MYO3A: variants seen among roughly 807,000 people sequenced by gnomAD.
The protein encoded by MYO3A is myosin-IIIa.
MYO3A carries 180 observed loss-of-function variants against 192.7 expected under a neutral mutation model. That is an observed-to-expected ratio of 0.93 (90% CI 0.83 to 1.06). The LOEUF is 1.06. Among genes scored for constraint, MYO3A ranks in the 50% least tolerant of loss-of-function variants. MYO3A has a pLI of 0.00. For missense variants in MYO3A, 1,896 were observed against 1,905.0 expected (o/e 1.00, Z 0.09); for synonymous variants, 628 against 645.3 (o/e 0.97, Z 0.41).
intron 10 of MYO3A, 137 bp downstream of exon 10, chr10:26,026,669 G>A: frequency 1.0e-6 from 1 of 979,130 alleles, no homozygotes; most frequent in South Asian, 1.4e-5. Context: ...GTCACCTGTT[G>A]AAATGCCTCT....
chr10:25,939,001 T>C (rs574778500), intron 2 of MYO3A, among the ~76,000 whole-genome samples: 1 of 152,176 alleles, frequency 6.6e-6, no homozygotes, highest in Admixed American at 6.5e-5. Flanking sequence ...GTTTAACTTA[T>C]GTACTCTCCT....
At chr10:26,142,257 G>A (rs924098273) in intron 20 of MYO3A, among the ~76,000 whole-genome samples, 4 of 152,204 alleles carry the variant, frequency 2.6e-5, no homozygotes, top group Admixed American at 6.5e-5. Context: ...ACTTACCCAG[G>A]AATGGTTGCT....
Position 26,154,812 on chromosome 10 carries a change from T to G in MYO3A, c.2782T>G (p.Ser928Ala). 6.2e-7 allele frequency: 1 copy of G among 1,612,690 alleles called. No individual in the cohort carries two copies. Residue 928 changes from serine (S) to alanine (A), a missense_variant, in exon 25 of 35, where the codon TCA becomes GCA. Physicochemically the swap from Ser to Ala is moderately conservative, Grantham distance 99 (BLOSUM62 1). Transcript: ENST00000642920. The stretch of plus-strand genomic sequence containing the variant: ...CAACATGAAAACACAAACGGTTGCA[T>G]CATATTTTAGAGTAAGATATTAAAC... ...TTNMKTQTVA[S>A]YFRYSLMDLL...
chr10:26,202,648 T>C, intron 33 of MYO3A: 1 of 342,856 alleles, frequency 2.9e-6, no homozygotes, highest in South Asian at 2.7e-5. Flanking sequence ...ACTGCTGATC[T>C]GGACTGGCCA....
intron 10 of MYO3A, among the ~76,000 whole-genome samples, chr10:26,039,532 G>A (rs78273944): frequency 0.061 from 9,267 of 152,112 alleles, 366 homozygotes; most frequent in Non-Finnish European, 0.088. Context: ...TCTTTGCTGG[G>A]AGACTTTTTA....
chr10:26,096,507 A>G (rs1181663428), intron 16 of MYO3A, 28 bp downstream of exon 16: 30 of 1,603,454 alleles, frequency 1.9e-5, no homozygotes, highest in Non-Finnish European at 2.4e-5. Context: ...GCTTTCATCA[A>G]TAATACTTTC....
At position 26,096,354 on chromosome 10, in the gene MYO3A, C is replaced by T. The variant is rs754711007; in HGVS notation, c.1563-27C>T. On this transcript the variant is annotated intron_variant, in intron 15 of 34. Transcript: ENST00000642920. ...AAGCAAGAAATGTTCTTACTAACTA[C>T]CTTACTGTAAATATCTTTTTTTCCA... 6.8e-6 allele frequency: 10 copies of T among 1,477,004 alleles called. No individual in the cohort carries two copies. The South Asian group carries it at 6.9e-5, about 10-fold the overall frequency. 91.5% of individuals were successfully genotyped at this position (1,477,004 alleles called of 1,614,324 possible).
At chr10:26,072,287 C>T (rs1835253553) in intron 14 of MYO3A, among the ~76,000 whole-genome samples, 1 of 152,012 alleles carries the variant, frequency 6.6e-6, no homozygotes, top group Admixed American at 6.5e-5. Context: ...CAAACCATAT[C>T]AATATGTGTT....
At chr10:26,005,049 A>G (rs1423228660) in intron 6 of MYO3A, among the ~76,000 whole-genome samples, 1 of 152,184 alleles carries the variant, frequency 6.6e-6, no homozygotes, top group African/African-American at 2.4e-5. Flanking sequence ...GTTTCGAAAT[A>G]TCTCTCCACA....
chr10:25,964,637 C>T (rs1302292557), intron 4 of MYO3A, among the ~76,000 whole-genome samples: 2 of 152,168 alleles, frequency 1.3e-5, no homozygotes, highest in African/African-American at 4.8e-5. Context: ...TTATACACCA[C>T]AGTCACAGTG....
At chr10:25,995,460 T>G (rs1369332404) in intron 4 of MYO3A, among the ~76,000 whole-genome samples, 1 of 152,238 alleles carries the variant, frequency 6.6e-6, no homozygotes, top group Non-Finnish European at 1.5e-5. Flanking sequence ...ACTTCCTCCT[T>G]TAGCTTGGAG....
intron 27 of MYO3A, among the ~76,000 whole-genome samples, chr10:26,168,057 T>C (rs1210396376): frequency 1.3e-5 from 2 of 152,346 alleles, no homozygotes; most frequent in East Asian, 3.9e-4. Flanking sequence ...CAATTGATGT[T>C]GATTTTAGAA....
At chr10:26,125,746 T>A in intron 19 of MYO3A, 138 bp downstream of exon 19, 2 of 815,396 alleles carry the variant, frequency 2.5e-6, no homozygotes, top group Non-Finnish European at 3.9e-6. Flanking sequence ...GATAATTTAG[T>A]AGATAAGCTT....
At chr10:26,039,862 T>G (rs1012437038) in intron 10 of MYO3A, among the ~76,000 whole-genome samples, 1 of 152,108 alleles carries the variant, frequency 6.6e-6, no homozygotes, top group African/African-American at 2.4e-5. Context: ...GTTTTCTTCT[T>G]TCCAATTCAT....
intron 4 of MYO3A, among the ~76,000 whole-genome samples, chr10:25,956,906 A>G (rs1837579476): frequency 6.6e-6 from 1 of 151,954 alleles, no homozygotes; most frequent in Non-Finnish European, 1.5e-5. Context: ...CTCTACCATC[A>G]GGTATCTGTT....
chr10:26,114,280 A>T (rs1306802675), intron 17 of MYO3A, among the ~76,000 whole-genome samples: 1 of 152,162 alleles, frequency 6.6e-6, no homozygotes, highest in African/African-American at 2.4e-5. Flanking sequence ...CCTCTCTCAC[A>T]TGGGCATCAG....
chr10:26,185,512 G>C (rs985566467), intron 31 of MYO3A, among the ~76,000 whole-genome samples: 16 of 151,332 alleles, frequency 1.1e-4, no homozygotes, highest in Admixed American at 6.6e-5. Flanking sequence ...GCTAAATTTT[G>C]TATTTTTAGT....
chr10:26,099,896 G>C (rs1403621493), intron 17 of MYO3A, among the ~76,000 whole-genome samples: 1 of 152,178 alleles, frequency 6.6e-6, no homozygotes, highest in Non-Finnish European at 1.5e-5. Flanking sequence ...TCTCTCCCAG[G>C]CTTTGGTGTC....
intron 34 of MYO3A, among the ~76,000 whole-genome samples, chr10:26,207,240 A>AT (rs1345657651): frequency 3.3e-5 from 5 of 151,752 alleles, no homozygotes; most frequent in Admixed American, 6.6e-5. Flanking sequence ...CCATTTGTCT[A>AT]TTTTTTTGCT....
Sources: allele counts gnomAD v4.1 joint callset (sites outside exome capture counted in the v4.1 genomes callset), GRCh38; gene constraint gnomAD v4.1.1; transcripts MANE v1.5; gene names NCBI Gene and HGNC (gene_info 2026-07-23, HGNC 2026-07-21).